Variants in ALPK1 observed in about 807,000 individuals in gnomAD.
The protein encoded by ALPK1 is alpha kinase 1.
Under a neutral mutation model 120.6 loss-of-function variants are expected in ALPK1, and 110 were observed. The observed-to-expected ratio is 0.91, with a 90% CI of 0.78 to 1.07. ALPK1 has a LOEUF of 1.07. Ranked by LOEUF, ALPK1 falls within the 50% of genes least tolerant of loss-of-function variation. The pLI, the probability that ALPK1 is intolerant of heterozygous loss-of-function variation, is 0.00. For synonymous variants in ALPK1, 582 were observed against 560.3 expected, an observed-to-expected ratio of 1.04 and a Z score of -0.55; for missense variants, 1,498 against 1,483.9, an observed-to-expected ratio of 1.01 and a Z score of -0.16.
intron 2 of ALPK1, among the ~76,000 whole-genome samples, chr4:112,318,320 A>G (rs1728723793): frequency 6.6e-6 from 1 of 152,238 alleles, no homozygotes; most frequent in Non-Finnish European, 1.5e-5. Flanking sequence ...TTACTTGCTT[A>G]TTAAATCTTT....
At chr4:112,426,415 A>T in intron 7 of ALPK1, 52 bp from the exon 8 acceptor site, 4 of 1,389,112 alleles carry the variant, frequency 2.9e-6, no homozygotes, top group Non-Finnish European at 4.1e-6. Context: ...AAGAGCACAG[A>T]TACTAGCTGT....
intron 2 of ALPK1, among the ~76,000 whole-genome samples, chr4:112,377,381 G>C (rs918482668): frequency 1.3e-5 from 2 of 152,166 alleles, no homozygotes; most frequent in African/African-American, 4.8e-5. Context: ...TGTGAAGTAC[G>C]CAGAAGATAA....
chr4:112,311,705 G>T (rs1176964951), intron 1 of ALPK1, among the ~76,000 whole-genome samples: 1 of 152,164 alleles, frequency 6.6e-6, no homozygotes, highest in Non-Finnish European at 1.5e-5. Flanking sequence ...CCTCCTTCCG[G>T]CTATCAACTG....
chr4:112,366,465 A>C (rs1413801215), intron 2 of ALPK1, among the ~76,000 whole-genome samples: 1 of 152,234 alleles, frequency 6.6e-6, no homozygotes, highest in Non-Finnish European at 1.5e-5. Context: ...AACATCATTA[A>C]TGATCAGGAA....
intron 4 of ALPK1, among the ~76,000 whole-genome samples, chr4:112,390,800 A>G (rs1194586616): frequency 6.6e-6 from 1 of 152,232 alleles, no homozygotes; most frequent in Non-Finnish European, 1.5e-5. Context: ...TAAATGCCTT[A>G]AATGTTTCCT....
chr4:112,328,979 G>A (rs1384783426), intron 2 of ALPK1, among the ~76,000 whole-genome samples: 3 of 152,148 alleles, frequency 2.0e-5, no homozygotes, highest in African/African-American at 7.2e-5. Context: ...CCTCTGCTCC[G>A]TCATTTATCA....
At chr4:112,425,565 A>C in intron 6 of ALPK1, 100 bp from the exon 7 acceptor site, 1 of 954,512 alleles carries the variant, frequency 1.0e-6, no homozygotes, top group Non-Finnish European at 1.6e-6. Context: ...TGTTTCTCAA[A>C]ATGATGTCAC....
Position 112,431,126 on chromosome 4 carries a change from G to A in ALPK1, c.1579G>A (p.Val527Ile), listed in dbSNP as rs772337386. 3.1e-6 allele frequency: 5 copies of A among 1,614,064 alleles called. No individual in the cohort carries two copies. In the East Asian group the frequency reaches 8.9e-5, roughly 29 times the overall value. Residue 527 changes from valine to isoleucine, a missense_variant, in exon 11 of 16, where the codon GTT becomes ATT. Coordinates refer to ENST00000650871, the MANE Select transcript of ALPK1 (RefSeq NM_025144.4). Reference protein sequence around the residue: ...GISSSLMGKNVQRELRRGGRR... With the variant: ...GISSSLMGKNIQRELRRGGRR... Reference sequence around the variant, plus strand: ...ATCTTCCTCCCTAATGGGTAAGAATGTTCAGAGGGAACTCAGAAGGGGAGG... The same window carrying A: ...ATCTTCCTCCCTAATGGGTAAGAATATTCAGAGGGAACTCAGAAGGGGAGG...
intron 5 of ALPK1, among the ~76,000 whole-genome samples, chr4:112,416,970 CA>C (rs1451528611): frequency 6.7e-6 from 1 of 149,818 alleles, no homozygotes; most frequent in African/African-American, 2.5e-5. Context: ...CTTAAAGAAA[CA>C]GACAGAAAAG....
intron 2 of ALPK1, among the ~76,000 whole-genome samples, chr4:112,333,757 T>A (rs1729488657): frequency 6.6e-6 from 1 of 152,154 alleles, no homozygotes; most frequent in Non-Finnish European, 1.5e-5. Context: ...AGAAAAAAAA[T>A]TCTACAATTC....
chr4:112,401,507 T>C (rs1465660228), intron 4 of ALPK1, among the ~76,000 whole-genome samples: 2 of 151,988 alleles, frequency 1.3e-5, no homozygotes, highest in Non-Finnish European at 2.9e-5. Context: ...GTGACTAAGG[T>C]GGGGTGTAGA....
Position 112,403,668 on chromosome 4 carries a change from A to G in ALPK1, c.277-8159A>G, listed in dbSNP as rs554056324. On this transcript the variant is annotated intron_variant, in intron 4 of 15. Coordinates refer to ENST00000650871, the MANE Select transcript of ALPK1 (RefSeq NM_025144.4). ...ACTTCTGTAAACACTTTAGAAATGA[A>G]TTCAGTGAGTTTGGCCTCTCAGCAG... Among the ~76,000 whole-genome samples the G allele has an allele frequency of 2.6e-5, 4 of 152,332 alleles. No homozygotes were observed. The South Asian group carries it at 8.3e-4, about 32-fold the overall frequency.
intron 2 of ALPK1, among the ~76,000 whole-genome samples, chr4:112,342,258 G>A (rs941676844): frequency 1.3e-5 from 2 of 152,066 alleles, no homozygotes; most frequent in Non-Finnish European, 2.9e-5. Context: ...AGGACAAAGG[G>A]GTGTACAGTT....
intron 1 of ALPK1, among the ~76,000 whole-genome samples, chr4:112,301,159 A>G (rs1727770834): frequency 1.3e-5 from 2 of 152,176 alleles, no homozygotes; most frequent in Non-Finnish European, 2.9e-5. Context: ...TTCCAAGATA[A>G]CTATATCATT....
intron 5 of ALPK1, chr4:112,412,444 G>T: frequency 2.2e-6 from 1 of 459,958 alleles, no homozygotes; most frequent in Non-Finnish European, 4.4e-6. Flanking sequence ...TGACAATAGA[G>T]CTGACAAACC....
chr4:112,356,786 G>A (rs950282388), intron 2 of ALPK1: 8 of 739,710 alleles, frequency 1.1e-5, no homozygotes, highest in Non-Finnish European at 2.0e-5. Flanking sequence ...GCAGCAAGCC[G>A]ACATCGTCTT....
At chr4:112,388,122 G>T (rs906572934) in intron 4 of ALPK1, among the ~76,000 whole-genome samples, 1 of 152,042 alleles carries the variant, frequency 6.6e-6, no homozygotes, top group African/African-American at 2.4e-5. Context: ...TCTTTTTTAT[G>T]GCTGCATAGT....
Position 112,427,554 on chromosome 4 carries a change from T to G in ALPK1, c.700-16T>G. On this transcript the variant is annotated splice_polypyrimidine_tract_variant and intron_variant, in intron 8 of 15. Coordinates refer to ENST00000650871, the MANE Select transcript of ALPK1 (RefSeq NM_025144.4). ...GTGAATTCCCGATCTGTGACTTCTT[T>G]GTGTTTTTCTTACAGGGCCTCTCCA... 6.2e-7 allele frequency: 1 copy of G among 1,600,484 alleles called. No individual in the cohort carries two copies. Among genetic ancestry groups the G allele is most frequent in the Non-Finnish European group, 8.6e-7 (1 of 1,167,654 alleles).
At position 112,381,660 on chromosome 4, in the gene ALPK1, G is replaced by A. The variant is rs1466254991; in HGVS notation, c.122-738G>A. On this transcript the variant is annotated intron_variant, in intron 3 of 15. Coordinates refer to ENST00000650871, the MANE Select transcript of ALPK1 (RefSeq NM_025144.4). Reference sequence around the variant, plus strand: ...AAAAATTTTGCAGCAAAACATTTGAGCAATCTCACTGAGTCCTTAACCAGG... The same window carrying A: ...AAAAATTTTGCAGCAAAACATTTGAACAATCTCACTGAGTCCTTAACCAGG... 3.3e-5 allele frequency among the ~76,000 whole-genome samples: 5 copies of A among 152,320 alleles called. No homozygotes were observed. In the East Asian group the frequency reaches 9.6e-4, roughly 29 times the overall value.
Sources: allele counts gnomAD v4.1 joint callset (sites outside exome capture counted in the v4.1 genomes callset), GRCh38; gene constraint gnomAD v4.1.1; transcripts MANE v1.5; gene names NCBI Gene and HGNC (gene_info 2026-07-23, HGNC 2026-07-21).